Variants in PLP1 observed in about 807,000 individuals in gnomAD.
PLP1 encodes proteolipid protein 1, also known as myelin proteolipid protein.
Under a neutral mutation model 18.5 loss-of-function variants are expected in PLP1, and 2 were observed. The ratio of observed to expected loss-of-function variants is 0.11; its 90% CI spans 0.04 to 0.34. The LOEUF (loss-of-function observed/expected upper bound fraction) is 0.34. Ranked by LOEUF, PLP1 falls within the 10% of genes least tolerant of loss-of-function variation. PLP1 has a pLI of 1.00. For synonymous variants in PLP1, 86 were observed against 83.2 expected, an observed-to-expected ratio of 1.03 and a Z score of -0.19; for missense variants, 105 against 207.3, an observed-to-expected ratio of 0.51 and a Z score of 3.03.
At chrX:103,786,309 G>A (rs2074496596) in intron 2 of PLP1, 156 bp from the exon 3 acceptor site, 3 of 1,081,381 alleles carry the variant, frequency 2.8e-6, no homozygotes, top group African/African-American at 1.8e-5. Flanking sequence ...ACAAAGATAA[G>A]GTGAAAGCAT....
At position 103,786,513 on chromosome X, in the gene PLP1, C is replaced by T; in HGVS notation, c.240C>T (p.Phe80=). 3 of 1,210,111 alleles carry T rather than the reference C, an allele frequency of 2.5e-6. No homozygotes were observed. The highest frequency in any genetic ancestry group is 3.5e-5 in the African/African-American group (2 of 57,699). Residue 80 remains phenylalanine (F), a synonymous_variant, in exon 3 of 7, where the codon TTC becomes TTT. Coordinates refer to ENST00000621218, the MANE Select transcript of PLP1 (RefSeq NM_000533.5). ...YVIYGTASFF[F]LYGALLLAEG... is the part of the protein sequence containing the mutation. ...TCTATGGAACTGCCTCTTTCTTCTT[C>T]CTTTATGGGGCCCTCCTGCTGGCTG...
intron 1 of PLP1, among the ~76,000 whole-genome samples, chrX:103,779,157 G>A (rs1032184452): frequency 1.8e-5 from 2 of 112,480 alleles, no homozygotes; most frequent in Non-Finnish European, 3.8e-5. Flanking sequence ...TTGGGATAAT[G>A]ATGGAACCAG....
chrX:103,776,846 A>T lies in PLP1; in HGVS notation c.-150A>T, dbSNP rs2074414441. 12 of 573,064 alleles carry T rather than the reference A, an allele frequency of 2.1e-5. No homozygotes were observed. The highest frequency in any genetic ancestry group is 2.3e-5 in the African/African-American group (1 of 43,851). The allele number at this position is 573,064 out of a possible 1,213,427, so 47.2% of individuals were successfully genotyped here. A position where few individuals can be genotyped will look rare whatever the true frequency, so the allele number is the denominator to read the frequency against. On this transcript the variant is annotated 5_prime_UTR_variant, in exon 1 of 7. Coordinates refer to ENST00000621218, the MANE Select transcript of PLP1 (RefSeq NM_000533.5). ...GGCTGTCAATCAGAAAGCCCTTTTCATTGCAGGAGAAGAGGACAAAGATAC... is the reference window on the plus strand; with the variant it reads ...GGCTGTCAATCAGAAAGCCCTTTTCTTTGCAGGAGAAGAGGACAAAGATAC...
chrX:103,787,784 G>A lies in PLP1; in HGVS notation c.454-14G>A, dbSNP rs772502762. On this transcript the variant is annotated splice_polypyrimidine_tract_variant and intron_variant, in intron 3 of 6. Coordinates refer to ENST00000621218, the MANE Select transcript of PLP1 (RefSeq NM_000533.5). ...TGATGCTGATTTCTAACCACCCCAT[G>A]TCAATCATTTTAGTTTGTGGGCATC... is the stretch of plus-strand genomic sequence containing the variant. 2.1e-5 allele frequency: 25 copies of A among 1,200,329 alleles called. 1 individual carries two copies. The South Asian group carries it at 4.2e-4, about 20-fold the overall frequency.
chrX:103,791,253 C>T lies in PLP1; in HGVS notation c.*655C>T, dbSNP rs2074543239. ...GCCCTAACTCAGCCAACCTTACTTACAGCATAAGGGAGCGTAGAATCTGTG... is the reference window on the plus strand; with the variant it reads ...GCCCTAACTCAGCCAACCTTACTTATAGCATAAGGGAGCGTAGAATCTGTG... On this transcript the variant is annotated 3_prime_UTR_variant, in exon 7 of 7. Transcript: ENST00000621218. 8.7e-6 allele frequency: 1 copy of T among 114,986 alleles called. No homozygotes were observed. The allele number at this position is 114,986 out of a possible 1,213,427, so 9.5% of individuals were successfully genotyped here. A position where few individuals can be genotyped will look rare whatever the true frequency, so the allele number is the denominator to read the frequency against.
At chrX:103,784,082 T>C (rs1025894045) in intron 1 of PLP1, among the ~76,000 whole-genome samples, 13 of 112,272 alleles carry the variant, frequency 1.2e-4, no homozygotes, top group African/African-American at 4.2e-4. Context: ...AGTCATCTAC[T>C]TGGCATTTGC....
intron 1 of PLP1, among the ~76,000 whole-genome samples, chrX:103,778,983 C>A (rs775659063): frequency 1.8e-5 from 2 of 112,187 alleles, no homozygotes; most frequent in South Asian, 7.5e-4. Flanking sequence ...TGCTTAATCA[C>A]CTCCAGGAAC....
intron 1 of PLP1, 95 bp from the exon 2 acceptor site, chrX:103,785,487 C>G (rs1262612061): frequency 1.3e-5 from 10 of 793,546 alleles, no homozygotes; most frequent in Admixed American, 1.1e-4. Context: ...TGCCCACTAT[C>G]TCCGAGCCTG....
At chrX:103,781,178 C>T (rs1258301397) in intron 1 of PLP1, 7 of 239,696 alleles carry the variant, frequency 2.9e-5, no homozygotes, top group African/African-American at 2.0e-4. Flanking sequence ...ACTGAATTTC[C>T]ATCATGGAGC....
rs187098129 is a variant in PLP1 at position 103,784,465 on chromosome X, G to A, written c.5-1117G>A. Among the ~76,000 whole-genome samples, 508 of 111,411 alleles carry A rather than the reference G, an allele frequency of 4.6e-3. 2 individuals carry two copies. Among genetic ancestry groups the A allele is most frequent in the Non-Finnish European group, 6.6e-3 (349 of 53,071 alleles). The stretch of plus-strand genomic sequence containing the variant: ...CATTAAGCCTGCATTTTTATTATTG[G>A]GAGTAATATCAAACCTCCTATTTTC... On this transcript the variant is annotated intron_variant, in intron 1 of 6. Transcript: ENST00000621218.
chrX:103,791,913 G>T lies in PLP1; in HGVS notation c.*1315G>T, dbSNP rs1283031984. The T allele has an allele frequency of 2.7e-5, 3 of 112,147 alleles. No homozygotes were observed. The highest frequency in any genetic ancestry group is 3.8e-5 in the Non-Finnish European group (2 of 53,216). The allele number at this position is 112,147 out of a possible 1,213,427, so 9.2% of individuals were successfully genotyped here. On this transcript the variant is annotated 3_prime_UTR_variant, in exon 7 of 7. Coordinates refer to ENST00000621218, the MANE Select transcript of PLP1 (RefSeq NM_000533.5). ...TCGTTCTTTCTAGCTAATGGAAAAT[G>T]ATTTTACTTAGCAATGTTATCTTGG...
At chrX:103,785,995 G>GT in intron 2 of PLP1, 1 of 538,777 alleles carries the variant, frequency 1.9e-6, no homozygotes, top group Non-Finnish European at 2.8e-6. Flanking sequence ...CCGCCCCCTT[G>GT]TTTTCTTACA....
At chrX:103,780,662 T>C (rs1035782402) in intron 1 of PLP1, 1 of 111,626 alleles carries the variant, frequency 9.0e-6, no homozygotes, top group African/African-American at 3.3e-5. Flanking sequence ...CACTTGAATG[T>C]GGTATATAAG....
intron 6 of PLP1, among the ~76,000 whole-genome samples, chrX:103,789,963 G>A (rs1013491438): frequency 8.9e-6 from 1 of 112,112 alleles, no homozygotes; most frequent in Non-Finnish European, 1.9e-5. Flanking sequence ...TGTGCTCATT[G>A]TGCAGATTAA....
intron 1 of PLP1, among the ~76,000 whole-genome samples, chrX:103,782,796 C>G (rs1681268245): frequency 0.011 from 2 of 179 alleles, no homozygotes; most frequent in Admixed American, 0.22. Context: ...TGACCCCCTC[C>G]CCACCCCCCG....
rs764159806 is a variant in PLP1 at position 103,788,544 on chromosome X, G to A, written c.696+34G>A. 3.8e-5 allele frequency: 38 copies of A among 998,964 alleles called. No individual in the cohort carries two copies. The South Asian group carries it at 5.7e-4, about 15-fold the overall frequency. The allele number at this position is 998,964 out of a possible 1,213,427, so 82.3% of individuals were successfully genotyped here. A position where few individuals can be genotyped will look rare whatever the true frequency, so the allele number is the denominator to read the frequency against. On this transcript the variant is annotated intron_variant, in intron 5 of 6. Transcript: ENST00000621218. ...GTTATTTGGGTTATTTTACAAGGGA[G>A]TAGCTAATACCATACAAATTACACC... is the stretch of plus-strand genomic sequence containing the variant.
intron 3 of PLP1, 139 bp from the exon 4 acceptor site, chrX:103,787,659 G>T (rs2074508516): frequency 3.6e-6 from 2 of 560,140 alleles, no homozygotes; most frequent in South Asian, 2.4e-5. Context: ...GAGGTGCCCT[G>T]CTCACTAATT....
intron 1 of PLP1, among the ~76,000 whole-genome samples, chrX:103,782,529 C>T (rs897238585): frequency 8.9e-6 from 1 of 112,023 alleles, no homozygotes; most frequent in Non-Finnish European, 1.9e-5. Flanking sequence ...ATTGAGGGAT[C>T]AGATACACTC....
intron 1 of PLP1, among the ~76,000 whole-genome samples, chrX:103,782,847 C>A (rs1401779127): frequency 8.9e-6 from 1 of 111,933 alleles, no homozygotes; most frequent in East Asian, 2.8e-4. Flanking sequence ...CTCCTGAGAT[C>A]TCAGGAAAGA....
Sources: gnomAD v4.1 joint callset for allele counts (sites outside exome capture counted in the v4.1 genomes callset) on GRCh38, gnomAD v4.1.1 for gene constraint, MANE v1.5 for transcripts, NCBI Gene and HGNC (gene_info 2026-07-23, HGNC 2026-07-21) for gene names.